Variants in ABTB3 observed in about 807,000 individuals in gnomAD.
ABTB3 encodes ankyrin repeat- and BTB/POZ domain-containing protein 3.
the ABTB3 span, among the ~76,000 whole-genome samples, chr12:107,403,453 C>T: frequency 1.3e-5 from 2 of 152,134 alleles, no homozygotes; most frequent in Non-Finnish European, 2.9e-5. Context: ...TACCTCAGCC[C>T]AGGGAGTGCC....
chr12:107,600,947 G>T, the ABTB3 span, among the ~76,000 whole-genome samples: 1 of 152,220 alleles, frequency 6.6e-6, no homozygotes, highest in Non-Finnish European at 1.5e-5. Flanking sequence ...GGGATTGGAG[G>T]ATTGTGTGGC....
the ABTB3 span, among the ~76,000 whole-genome samples, chr12:107,322,532 A>T: frequency 6.6e-6 from 1 of 152,260 alleles, no homozygotes; most frequent in Non-Finnish European, 1.5e-5. Flanking sequence ...CATACCTTAC[A>T]TAATAGATTT....
the ABTB3 span, chr12:107,618,367 T>C: frequency 6.2e-7 from 1 of 1,612,566 alleles, no homozygotes; most frequent in Middle Eastern, 1.7e-4. Flanking sequence ...ACAATTGATA[T>C]CAGGAGCATA....
the ABTB3 span, among the ~76,000 whole-genome samples, chr12:107,450,370 C>G: frequency 1.3e-5 from 2 of 151,988 alleles, no homozygotes; most frequent in Non-Finnish European, 2.9e-5. Context: ...TATATTTGAT[C>G]ATAGTTTTAG....
chr12:107,623,401 C>T, the ABTB3 span, among the ~76,000 whole-genome samples: 2 of 137,584 alleles, frequency 1.5e-5, no homozygotes, highest in East Asian at 4.2e-4. Context: ...GAGTCTCACT[C>T]CGTCGCCCAG....
the ABTB3 span, among the ~76,000 whole-genome samples, chr12:107,370,822 T>C: frequency 6.9e-6 from 1 of 144,938 alleles, no homozygotes; most frequent in Non-Finnish European, 1.5e-5. Context: ...CCCTTGGTTG[T>C]GGCTCTGTGC....
chr12:107,622,823 A>T, the ABTB3 span, among the ~76,000 whole-genome samples: 1 of 152,110 alleles, frequency 6.6e-6, no homozygotes, highest in Non-Finnish European at 1.5e-5. Flanking sequence ...AAATAAATCC[A>T]CTTTATGTTC....
the ABTB3 span, among the ~76,000 whole-genome samples, chr12:107,595,652 G>A: frequency 6.6e-6 from 1 of 152,164 alleles, no homozygotes; most frequent in Admixed American, 6.5e-5. Context: ...GTGGAGTTGG[G>A]CGGGAAGAAT....
At chr12:107,462,743 G>A in the ABTB3 span, among the ~76,000 whole-genome samples, 1 of 151,186 alleles carries the variant, frequency 6.6e-6, no homozygotes, top group African/African-American at 2.4e-5. Context: ...GATGATGGTG[G>A]TGATAGTAAC....
At chr12:107,585,277 CTT>C in the ABTB3 span, among the ~76,000 whole-genome samples, 2 of 152,128 alleles carry the variant, frequency 1.3e-5, no homozygotes. Flanking sequence ...AATGGTTACT[CTT>C]TTTGCAAGTG....
At chr12:107,578,605 C>T in the ABTB3 span, among the ~76,000 whole-genome samples, 1 of 151,950 alleles carries the variant, frequency 6.6e-6, no homozygotes, top group Non-Finnish European at 1.5e-5. Context: ...AAACTTAACC[C>T]AGAGAGTTCT....
chr12:107,520,399 G>T, the ABTB3 span: 1 of 1,523,462 alleles, frequency 6.6e-7, no homozygotes, highest in South Asian at 1.3e-5. Flanking sequence ...GTGGTTTGAG[G>T]TTGTGCAAGA....
chr12:107,374,313 T>G, the ABTB3 span, among the ~76,000 whole-genome samples: 1 of 152,168 alleles, frequency 6.6e-6, no homozygotes, highest in Non-Finnish European at 1.5e-5. Context: ...GCTTCAGAAC[T>G]GCCCTAGTTG....
the ABTB3 span, among the ~76,000 whole-genome samples, chr12:107,632,248 C>T: frequency 2.0e-5 from 3 of 152,104 alleles, no homozygotes; most frequent in Admixed American, 1.3e-4. Flanking sequence ...AAGAAAAACT[C>T]GCAAAAGAGT....
At chr12:107,329,693 G>A in the ABTB3 span, among the ~76,000 whole-genome samples, 8 of 152,220 alleles carry the variant, frequency 5.3e-5, no homozygotes, top group South Asian at 1.4e-3. Flanking sequence ...TTACATGAGA[G>A]TAATAGTGAA....
the ABTB3 span, among the ~76,000 whole-genome samples, chr12:107,551,843 C>T: frequency 6.6e-6 from 1 of 152,072 alleles, no homozygotes; most frequent in Non-Finnish European, 1.5e-5. Context: ...ACCTCCACCT[C>T]CCGGGTTCAA....
the ABTB3 span, among the ~76,000 whole-genome samples, chr12:107,442,745 G>T: frequency 6.6e-6 from 1 of 152,182 alleles, no homozygotes; most frequent in African/African-American, 2.4e-5. Context: ...GAGGAAAGGG[G>T]GTTGTGGGGA....
At chr12:107,433,219 A>G in the ABTB3 span, among the ~76,000 whole-genome samples, 4 of 143,866 alleles carry the variant, frequency 2.8e-5, no homozygotes, top group Non-Finnish European at 6.1e-5. Flanking sequence ...GAACCCGGGA[A>G]GCGGAGCTTG....
chr12:107,389,705 C>A, the ABTB3 span, among the ~76,000 whole-genome samples: 1 of 151,874 alleles, frequency 6.6e-6, no homozygotes, highest in Non-Finnish European at 1.5e-5. Context: ...TCTGCTCCAA[C>A]AACGTCAGCT....
Sources: allele counts gnomAD v4.1 joint callset (sites outside exome capture counted in the v4.1 genomes callset), GRCh38; gene constraint gnomAD v4.1.1; transcripts MANE v1.5; gene names NCBI Gene and HGNC (gene_info 2026-07-23, HGNC 2026-07-21).